SLC26A1: variants seen among roughly 807,000 people sequenced by gnomAD.
The protein encoded by SLC26A1 is solute carrier family 26 member 1.
SLC26A1 carries 18 observed loss-of-function variants against 14.5 expected under a neutral mutation model. That is an observed-to-expected ratio of 1.24 (90% CI 0.86 to 1.84). SLC26A1 has a LOEUF of 1.84. Among genes scored for constraint, SLC26A1 ranks in the 40% most tolerant of loss-of-function variants. The probability of loss-of-function intolerance (pLI) is 0.00; values close to 1 mark genes in which losing one functional copy is unlikely to be tolerated. For missense variants in SLC26A1, 1,049 were observed against 1,020.0 expected, an observed-to-expected ratio of 1.03 and a Z score of -0.39; for synonymous variants, 505 against 492.0, an observed-to-expected ratio of 1.03 and a Z score of -0.35.
intron 2 of SLC26A1, chr4:979,541 C>T (rs759357895): frequency 1.7e-5 from 28 of 1,610,490 alleles, no homozygotes; most frequent in East Asian, 4.5e-5. Context: ...TGGTGGAGGC[C>T]GCTGACCCGC....
Position 989,325 on chromosome 4 carries a change from C to T in SLC26A1, c.1614G>A (p.Arg538=), listed in dbSNP as rs1286250123. The T allele has an allele frequency of 6.2e-7, 1 of 1,609,086 alleles. No individual in the cohort carries two copies. The highest frequency in any genetic ancestry group is 8.5e-7 in the Non-Finnish European group (1 of 1,178,352). Residue 538 remains arginine (R), a synonymous_variant, in exon 3 of 3, where the codon CGG becomes CGA. Coordinates refer to ENST00000398516, the MANE Select transcript of SLC26A1 (RefSeq NM_022042.4). ...FEGLVPEPGV[R]VFRFGGPLYY... The stretch of plus-strand genomic sequence containing the variant: ...ACAGCGGCCCCCCAAAGCGGAACAC[C>T]CGCACGCCGGGCTCAGGGACGAGGC...
At position 991,526 on chromosome 4, in the gene SLC26A1, G is replaced by A. The variant is rs996189489; in HGVS notation, c.178C>T (p.Leu60=). The A allele has an allele frequency of 6.2e-7, 1 of 1,607,270 alleles. No homozygotes were observed. Among genetic ancestry groups the A allele is most frequent in the Non-Finnish European group, 8.5e-7 (1 of 1,176,498 alleles). ...VQDLLPATRW[L]RQYRPREYLA... is the part of the protein sequence containing the mutation. Reference sequence around the variant, plus strand: ...TACTCCCGCGGGCGGTACTGACGCAGCCAGCGCGTGGCGGGGAGCAGGTCC... The same window carrying A: ...TACTCCCGCGGGCGGTACTGACGCAACCAGCGCGTGGCGGGGAGCAGGTCC... Residue 60 remains leucine, a synonymous_variant, in exon 2 of 3, where the codon CTG becomes TTG. Transcript: ENST00000398516.
downstream of SLC26A1, among the ~76,000 whole-genome samples, chr4:982,849 C>T (rs1713586989): frequency 6.6e-6 from 1 of 152,244 alleles, no homozygotes; most frequent in Admixed American, 6.5e-5. Flanking sequence ...CTTTCAATCT[C>T]TCCTGAGGCC....
downstream of SLC26A1, among the ~76,000 whole-genome samples, chr4:984,871 G>A (rs1483344163): frequency 2.0e-5 from 3 of 152,156 alleles, no homozygotes; most frequent in African/African-American, 7.2e-5. Flanking sequence ...GTTGCACAAT[G>A]TACAAGGCAT....
In SLC26A1 at chr4:990,293, C is replaced by A; in HGVS notation, c.646G>T (p.Ala216Ser). ...AGGATGGTCACGGAGGCCCCCATGG[C>A]AAAGCCATCGAGCAGTGGCTGTGAG... is the stretch of plus-strand genomic sequence containing the variant. ...YLSQPLLDGF[A>S]MGASVTILTS... The change falls in exon 3 of 3, where the codon GCC (alanine) becomes TCC (serine). Residue 216 changes from alanine to serine, a missense_variant. Transcript: ENST00000398516. 1 of 1,603,736 alleles carries A rather than the reference C, an allele frequency of 6.2e-7. No homozygotes were observed. Among genetic ancestry groups the A allele is most frequent in the Non-Finnish European group, 8.5e-7 (1 of 1,176,686 alleles).
In SLC26A1 at chr4:989,954, G is replaced by C. The variant is rs865998336; in HGVS notation, c.985C>G (p.Pro329Ala). Residue 329 changes from proline to alanine, a missense_variant, in exon 3 of 3, where the codon CCC (proline) becomes GCC (alanine). Transcript: ENST00000398516. ...AGCCTGGGCTCTGGGACCTGAGGGG[G>C]CATGAAACCCGTGGGGATGTCGCCA... ...VAGDIPTGFM[P>A]PQVPEPRLMQ... 2 of 1,555,778 alleles carry C rather than the reference G, an allele frequency of 1.3e-6. No individual in the cohort carries two copies. Among genetic ancestry groups the C allele is most frequent in the African/African-American group, 1.4e-5 (1 of 73,664 alleles).
downstream of SLC26A1, among the ~76,000 whole-genome samples, chr4:986,593 G>A (rs1377088032): frequency 6.6e-6 from 1 of 152,090 alleles, no homozygotes; most frequent in Admixed American, 6.5e-5. Context: ...GTGTAAGGAG[G>A]GCCCAGTGTG....
At chr4:987,195 C>T (rs1438083904), downstream of SLC26A1, 2 of 1,478,232 alleles carry the variant, frequency 1.4e-6, no homozygotes, top group South Asian at 1.3e-5. Flanking sequence ...TGGACGCGGC[C>T]CGCGCGCTGT....
In SLC26A1 at chr4:989,272, T is replaced by C. The variant is rs3796622; in HGVS notation, c.1667A>G (p.Gln556Arg). The stretch of plus-strand genomic sequence containing the variant: ...CAGCCCCGTGAGGCTGTAGAGTGAC[T>C]GCAGGAAGAAGTCCTTGTTGGCATA... The part of the protein sequence containing the change: ...LYYANKDFFL[Q>R]SLYSLTGLDA... The change falls in exon 3 of 3, where the codon CAG (glutamine) becomes CGG (arginine). Residue 556 changes from glutamine (Q) to arginine (R), a missense_variant. Gln to Arg is a conservative substitution (Grantham distance 43, BLOSUM62 1). Transcript: ENST00000398516. 0.65 allele frequency: 1,053,214 copies of C among 1,612,356 alleles called. 345,188 individuals are homozygous for C. The highest frequency in any genetic ancestry group is 0.72 in the South Asian group (65,448 of 91,072).
chr4:987,298 CCCCTGACTGCGCACT>C, downstream of SLC26A1: 1 of 1,453,104 alleles, frequency 6.9e-7, no homozygotes, highest in East Asian at 2.7e-5. Flanking sequence ...GCTCGGGCGC[CCCCTGACTGCGCACT>C]GTGAGAGCTT....
At chr4:992,190 C>G in intron 1 of SLC26A1, 1 of 460,600 alleles carries the variant, frequency 2.2e-6, no homozygotes, top group Non-Finnish European at 4.3e-6. Flanking sequence ...GCAGGCAAGC[C>G]TGAGTCCAGC....
chr4:991,316 A>C lies in SLC26A1; in HGVS notation c.388T>G (p.Cys130Gly), dbSNP rs1714296137. ...TCCACCACCTGCCCCACCATGAGGC[A>C]AAGCAGGCTGAAGATGCCCACGGAG... ...HVSVGIFSLL[C>G]LMVGQVVDRE... The change falls in exon 2 of 3, where the codon TGC becomes GGC. Residue 130 changes from cysteine (C) to glycine (G), a missense_variant. Physicochemically the swap from Cys to Gly is radical, Grantham distance 159. Transcript: ENST00000398516. 1.2e-6 allele frequency: 2 copies of C among 1,612,846 alleles called. No individual in the cohort carries two copies. The highest frequency in any genetic ancestry group is 8.5e-7 in the Non-Finnish European group (1 of 1,179,936).
chr4:980,560 T>A (rs1447412015), intron 2 of SLC26A1, among the ~76,000 whole-genome samples: 2 of 136,132 alleles, frequency 1.5e-5, no homozygotes, highest in Admixed American at 8.1e-5. Flanking sequence ...CACTCCAGCC[T>A]GGGCAACAAG....
At chr4:993,274 G>A (rs560582309) in intron 1 of SLC26A1, 27 bp downstream of exon 1, 2 of 152,366 alleles carry the variant, frequency 1.3e-5, no homozygotes, top group Non-Finnish European at 2.9e-5. Context: ...TGCTGCAGCT[G>A]AGATCTGGGC....
intron 2 of SLC26A1, among the ~76,000 whole-genome samples, chr4:982,408 T>G (rs1713571803): frequency 6.6e-6 from 1 of 152,198 alleles, no homozygotes; most frequent in Admixed American, 6.5e-5. Flanking sequence ...CGTAAACCCC[T>G]GGGCTGCCTG....
intron 1 of SLC26A1, 22 bp from the exon 2 acceptor site, chr4:991,752 G>A (rs1376396450): frequency 6.5e-7 from 1 of 1,531,952 alleles, no homozygotes; most frequent in African/African-American, 1.4e-5. Context: ...AAGAGGGCAT[G>A]GTCACAGGAG....
At chr4:985,559 T>G (rs1199341828), downstream of SLC26A1, among the ~76,000 whole-genome samples, 1 of 152,244 alleles carries the variant, frequency 6.6e-6, no homozygotes. Context: ...ATCCATCATT[T>G]TAGTTGTTTT....
rs149307649 is a variant in SLC26A1, at chr4:991,508, G to A, written c.196C>T (p.Arg66Trp). 61 of 1,609,720 alleles carry A rather than the reference G, an allele frequency of 3.8e-5. No homozygotes were observed. The East Asian group carries it at 8.9e-4, about 24-fold the overall frequency. ...ATRWLRQYRP[R>W]EYLAGDVMSG... ...ATGACGTCGCCTGCCAGGTACTCCC[G>A]CGGGCGGTACTGACGCAGCCAGCGC... is the stretch of plus-strand genomic sequence containing the variant. Residue 66 changes from arginine to tryptophan, a missense_variant, in exon 2 of 3, where the codon CGG becomes TGG. By Grantham distance (101) the Arg-to-Trp change is moderately radical (BLOSUM62 -3). Coordinates refer to ENST00000398516, the MANE Select transcript of SLC26A1 (RefSeq NM_022042.4).
At position 990,045 on chromosome 4, in the gene SLC26A1, G is replaced by A. The variant is rs762007143; in HGVS notation, c.894C>T (p.Val298=). ...LRVPLPTELL[V]IVVATLVSHF... The stretch of plus-strand genomic sequence containing the variant: ...GCGACACGAGTGTGGCCACCACGAT[G>A]ACCAGCAGCTCCGTGGGCAGCGGCA... Residue 298 remains valine, a synonymous_variant, in exon 3 of 3, where the codon GTC becomes GTT. Coordinates refer to ENST00000398516, the MANE Select transcript of SLC26A1 (RefSeq NM_022042.4). 5 of 1,600,212 alleles carry A rather than the reference G, an allele frequency of 3.1e-6. No individual in the cohort carries two copies. Among genetic ancestry groups the A allele is most frequent in the Non-Finnish European group, 4.3e-6 (5 of 1,175,468 alleles).
Sources: gnomAD v4.1 joint callset for allele counts (sites outside exome capture counted in the v4.1 genomes callset) on GRCh38, gnomAD v4.1.1 for gene constraint, MANE v1.5 for transcripts, NCBI Gene and HGNC (gene_info 2026-07-23, HGNC 2026-07-21) for gene names.